The following CYP39A1 variants were observed in gnomAD, a reference collection of about 807,000 sequenced individuals.
The protein encoded by CYP39A1 is 24-hydroxycholesterol 7-alpha-hydroxylase.
Under a neutral mutation model 58.1 loss-of-function variants are expected in CYP39A1, and 49 were observed. The observed-to-expected ratio is 0.84, with a 90% CI of 0.67 to 1.07. CYP39A1 has a LOEUF of 1.07. Ranked by LOEUF, CYP39A1 falls within the 50% of genes least tolerant of loss-of-function variation. CYP39A1 has a pLI of 0.00. For synonymous variants in CYP39A1, 209 were observed against 187.6 expected, an observed-to-expected ratio of 1.11 and a Z score of -0.93; for missense variants, 531 against 539.4, an observed-to-expected ratio of 0.98 and a Z score of 0.16.
At chr6:46,605,673 T>C (rs1429320572) in intron 7 of CYP39A1, among the ~76,000 whole-genome samples, 3 of 152,082 alleles carry the variant, frequency 2.0e-5, no homozygotes, top group Non-Finnish European at 2.9e-5. Flanking sequence ...TCCTCTCCCA[T>C]TTCTCCCTCC....
intron 7 of CYP39A1, among the ~76,000 whole-genome samples, chr6:46,615,357 T>C (rs1333036717): frequency 6.6e-6 from 1 of 152,046 alleles, no homozygotes; most frequent in Non-Finnish European, 1.5e-5. Context: ...TGTGTATATA[T>C]ACAAATACAC....
chr6:46,611,838 T>C (rs1774234321), intron 7 of CYP39A1, among the ~76,000 whole-genome samples: 2 of 152,164 alleles, frequency 1.3e-5, no homozygotes, highest in African/African-American at 4.8e-5. Context: ...TGAGTCCAAA[T>C]TTTTGGTTTA....
In CYP39A1 at chr6:46,652,642, T is replaced by C. The variant is rs1278682066; in HGVS notation, c.-60A>G. The C allele has an allele frequency of 6.8e-7, 1 of 1,465,756 alleles. No homozygotes were observed. The highest frequency in any genetic ancestry group is 1.4e-5 in the African/African-American group (1 of 69,552). 90.8% of individuals were successfully genotyped at this position (1,465,756 alleles called of 1,614,324 possible). On this transcript the variant is annotated 5_prime_UTR_variant, in exon 1 of 12. Coordinates refer to ENST00000275016, the MANE Select transcript of CYP39A1 (RefSeq NM_016593.5). The stretch of plus-strand genomic sequence containing the variant: ...GTGAAACAGTCCTGCCGTCCCTTGC[T>C]TCTTTTCTGTGGGCTACGGAACCTG...
chr6:46,561,202 A>C (rs1770950510), intron 10 of CYP39A1, among the ~76,000 whole-genome samples: 1 of 152,200 alleles, frequency 6.6e-6, no homozygotes, highest in Admixed American at 6.5e-5. Context: ...TTTGTGAATT[A>C]TAGAACAGTT....
At chr6:46,623,557 C>A (rs1204480990) in intron 7 of CYP39A1, among the ~76,000 whole-genome samples, 1 of 152,118 alleles carries the variant, frequency 6.6e-6, no homozygotes, top group East Asian at 1.9e-4. Flanking sequence ...GCATCAACAG[C>A]ACATCATGGG....
chr6:46,572,555 G>T (rs1046289609), intron 10 of CYP39A1, among the ~76,000 whole-genome samples: 1 of 152,116 alleles, frequency 6.6e-6, no homozygotes, highest in Non-Finnish European at 1.5e-5. Context: ...AGGTTCTCTT[G>T]TATGTGACAA....
intron 10 of CYP39A1, chr6:46,583,722 C>T (rs921106210): frequency 2.6e-5 from 9 of 348,326 alleles, no homozygotes; most frequent in Middle Eastern, 1.3e-3. Context: ...CCCACGAATA[C>T]GAAGAGGAAC....
At chr6:46,583,391 T>C in intron 10 of CYP39A1, 1 of 985,378 alleles carries the variant, frequency 1.0e-6, no homozygotes, top group Non-Finnish European at 1.2e-6. Context: ...AGCACATCCC[T>C]AAGATCATCA....
At chr6:46,631,094 C>T (rs1156922175) in intron 5 of CYP39A1, 24 bp from the exon 6 acceptor site, 2 of 1,524,682 alleles carry the variant, frequency 1.3e-6, no homozygotes, top group African/African-American at 1.4e-5. Context: ...ATAAACATTG[C>T]CAAACCATGG....
intron 7 of CYP39A1, among the ~76,000 whole-genome samples, chr6:46,622,722 G>C (rs1775041131): frequency 6.6e-6 from 1 of 151,416 alleles, no homozygotes; most frequent in South Asian, 2.1e-4. Context: ...AGATAATAAA[G>C]ACTTAGATAG....
chr6:46,620,803 G>A (rs1774909639), intron 7 of CYP39A1, among the ~76,000 whole-genome samples: 1 of 152,136 alleles, frequency 6.6e-6, no homozygotes, highest in Admixed American at 6.6e-5. Context: ...AGAAATATCT[G>A]TCTAGTTAAT....
intron 10 of CYP39A1, among the ~76,000 whole-genome samples, chr6:46,554,442 T>C (rs148381564): frequency 2.0e-5 from 3 of 152,258 alleles, no homozygotes; most frequent in East Asian, 3.9e-4. Context: ...CTAAATCCAC[T>C]TTTCCTTTTG....
intron 7 of CYP39A1, among the ~76,000 whole-genome samples, chr6:46,610,560 G>T (rs1255530205): frequency 6.6e-6 from 1 of 152,038 alleles, no homozygotes; most frequent in Non-Finnish European, 1.5e-5. Context: ...GCCCAGGCTG[G>T]TCTCAAACTC....
In CYP39A1 at chr6:46,652,552, T is replaced by TA. The variant is rs759080180; in HGVS notation, c.30_31insT (p.Ile11TyrfsTer18). ...AAGAACAGAGCAAGGCAACCCAGGA[T>TA]TATAATCACTGTTGGGGAAATTAGT... On this transcript the variant is annotated frameshift_variant, in exon 1 of 12. Coordinates refer to ENST00000275016, the MANE Select transcript of CYP39A1 (RefSeq NM_016593.5). LOFTEE classifies it high-confidence loss of function. 1.2e-6 allele frequency: 2 copies of TA among 1,609,690 alleles called. No individual in the cohort carries two copies. The highest frequency in any genetic ancestry group is 1.7e-6 in the Non-Finnish European group (2 of 1,178,370).
intron 6 of CYP39A1, among the ~76,000 whole-genome samples, chr6:46,630,077 T>C (rs951696101): frequency 2.0e-5 from 3 of 151,750 alleles, no homozygotes; most frequent in Non-Finnish European, 2.9e-5. Context: ...GCCTGGGTGA[T>C]AGAATGAGAC....
At chr6:46,553,382 G>C (rs555067020) in intron 11 of CYP39A1, among the ~76,000 whole-genome samples, 40 of 152,234 alleles carry the variant, frequency 2.6e-4, no homozygotes, top group African/African-American at 9.1e-4. Flanking sequence ...ATGGACCAAG[G>C]GTTATGACTT....
At chr6:46,614,606 C>A (rs1257920080) in intron 7 of CYP39A1, among the ~76,000 whole-genome samples, 1 of 152,184 alleles carries the variant, frequency 6.6e-6, no homozygotes, top group Non-Finnish European at 1.5e-5. Context: ...TGGCTCCATT[C>A]ACTTTTCCTG....
chr6:46,603,549 G>A (rs1376396327), intron 7 of CYP39A1, among the ~76,000 whole-genome samples: 2 of 151,856 alleles, frequency 1.3e-5, no homozygotes, highest in African/African-American at 2.4e-5. Flanking sequence ...TTCCTCCTTT[G>A]AACATGGAAG....
intron 8 of CYP39A1, among the ~76,000 whole-genome samples, chr6:46,591,084 A>G (rs902689199): frequency 6.6e-5 from 10 of 152,168 alleles, no homozygotes; most frequent in Admixed American, 6.5e-4. Context: ...GTTTCCTCAA[A>G]TTTTGTAGCA....
Sources: gnomAD v4.1 joint callset for allele counts (sites outside exome capture counted in the v4.1 genomes callset) on GRCh38, gnomAD v4.1.1 for gene constraint, MANE v1.5 for transcripts, NCBI Gene and HGNC (gene_info 2026-07-23, HGNC 2026-07-21) for gene names.